The following TRDN variants were observed in gnomAD, a reference collection of about 807,000 sequenced individuals.
TRDN encodes triadin.
A neutral mutation model predicts 149.7 loss-of-function variants in TRDN; 161 were observed. The observed-to-expected ratio is 1.08, with a 90% CI of 0.95 to 1.23. TRDN has a LOEUF of 1.23. Among genes scored for constraint, TRDN ranks in the 50% most tolerant of loss-of-function variants. The pLI, the probability that TRDN is intolerant of heterozygous loss-of-function variation, is 0.00. For missense variants in TRDN, 896 were observed against 823.5 expected (o/e 1.09, Z -1.08); for synonymous variants, 294 against 250.5 (o/e 1.17, Z -1.64).
chr6:123,433,139 CATAAATATATATATATATATATAAT>C (rs1774400950), intron 12 of TRDN, among the ~76,000 whole-genome samples: 1 of 57,602 alleles, frequency 1.7e-5, no homozygotes, highest in African/African-American at 6.5e-5. Context: ...CCCCACACAT[CATAAATATATATATATATATATAAT>C]ATATATATAT....
chr6:123,326,382 ATCCCATCTCAAAG>A (rs1779457613), intron 23 of TRDN, among the ~76,000 whole-genome samples: 1 of 152,022 alleles, frequency 6.6e-6, no homozygotes, highest in Non-Finnish European at 1.5e-5. Flanking sequence ...CTTTTCTAGT[ATCCCATCTCAAAG>A]TCCCATCTCA....
chr6:123,482,031 G>A lies in TRDN; in HGVS notation c.853+15162C>T, dbSNP rs544072437. Among the ~76,000 whole-genome samples, 75 of 152,264 alleles carry A rather than the reference G, an allele frequency of 4.9e-4. 1 individual carries two copies. The South Asian group carries it at 0.015, about 31-fold the overall frequency. ...GGCAAAAGGAAGGAATGTTGCAACT[G>A]TAATACCTCCCTTCCGCTTTGTTTC... On this transcript the variant is annotated intron_variant, in intron 9 of 40. Transcript: ENST00000334268.
intron 5 of TRDN, among the ~76,000 whole-genome samples, chr6:123,518,607 C>CA (rs1185149279): frequency 6.6e-6 from 1 of 152,144 alleles, no homozygotes; most frequent in Non-Finnish European, 1.5e-5. Context: ...AGAATTAACA[C>CA]AAAATCAAAA....
chr6:123,438,818 T>C, intron 11 of TRDN, 126 bp downstream of exon 11: 1 of 683,470 alleles, frequency 1.5e-6, no homozygotes, highest in Non-Finnish European at 2.4e-6. Context: ...GTTAAGAGTG[T>C]TCACTAATAA....
chr6:123,236,721 G>A (rs964778475), intron 38 of TRDN, among the ~76,000 whole-genome samples: 4 of 152,098 alleles, frequency 2.6e-5, no homozygotes, highest in Non-Finnish European at 5.9e-5. Context: ...AAATTGCTTC[G>A]GAACTTTTAT....
chr6:123,636,358 A>C (rs578089872), intron 1 of TRDN, among the ~76,000 whole-genome samples: 1 of 151,896 alleles, frequency 6.6e-6, no homozygotes, highest in Non-Finnish European at 1.5e-5. Context: ...TTAGTGTAAT[A>C]TTTTAAGTAA....
chr6:123,594,054 G>C, intron 1 of TRDN, among the ~76,000 whole-genome samples: 1 of 152,050 alleles, frequency 6.6e-6, no homozygotes, highest in East Asian at 1.9e-4. Context: ...TTTGCATGTA[G>C]AAAAGTGTAT....
chr6:123,544,242 TACATACACACACACACAC>T (rs1262638720), intron 4 of TRDN, among the ~76,000 whole-genome samples: 8 of 124,032 alleles, frequency 6.4e-5, no homozygotes, highest in African/African-American at 2.5e-4. Context: ...TGCACATCTG[TACATACACACACACACAC>T]ACACACACAC....
chr6:123,223,180 T>C (rs566878956), intron 39 of TRDN, among the ~76,000 whole-genome samples: 15 of 151,608 alleles, frequency 9.9e-5, no homozygotes, highest in Non-Finnish European at 2.2e-4. Context: ...GGCAAACTAA[T>C]GCAGGAACAG....
chr6:123,633,135 A>G (rs1786099486), intron 1 of TRDN, among the ~76,000 whole-genome samples: 1 of 152,064 alleles, frequency 6.6e-6, no homozygotes. Flanking sequence ...TTTAAATAAA[A>G]AGCTTTCTTG....
At chr6:123,350,664 A>G (rs753793948) in intron 21 of TRDN, 35 of 771,058 alleles carry the variant, frequency 4.5e-5, no homozygotes, top group Non-Finnish European at 5.0e-5. Context: ...AGTAATAGAT[A>G]TACTATCATA....
At chr6:123,521,467 G>A (rs944416486) in intron 5 of TRDN, among the ~76,000 whole-genome samples, 12 of 152,002 alleles carry the variant, frequency 7.9e-5, no homozygotes, top group Admixed American at 2.6e-4. Flanking sequence ...AGGAATTGGA[G>A]AACTTCATCT....
chr6:123,603,230 C>T (rs970242758), intron 1 of TRDN, among the ~76,000 whole-genome samples: 5 of 77,532 alleles, frequency 6.4e-5, no homozygotes, highest in African/African-American at 1.3e-4. Context: ...CTGATTTAGT[C>T]TTAGTCTTAT....
chr6:123,594,792 A>G (rs1783956070), intron 1 of TRDN, among the ~76,000 whole-genome samples: 1 of 152,050 alleles, frequency 6.6e-6, no homozygotes, highest in African/African-American at 2.4e-5. Flanking sequence ...TTATTTAGGT[A>G]GCATGACTTT....
chr6:123,387,731 T>C (rs947187837), intron 14 of TRDN, among the ~76,000 whole-genome samples: 1 of 152,120 alleles, frequency 6.6e-6, no homozygotes, highest in Non-Finnish European at 1.5e-5. Context: ...AGGTCACAAA[T>C]GGCAATGTGA....
intron 31 of TRDN, among the ~76,000 whole-genome samples, chr6:123,268,807 A>C (rs1269424567): frequency 3.9e-5 from 6 of 152,072 alleles, no homozygotes; most frequent in Admixed American, 3.9e-4. Flanking sequence ...TCAAAATAAA[A>C]GAAAATGCAG....
rs1309608387 is a variant in TRDN at position 123,503,759 on chromosome 6, C to A, written c.753G>T (p.Glu251Asp). Residue 251 changes from glutamate to aspartate, a missense_variant, in exon 8 of 41, where the codon GAG becomes GAT. Transcript: ENST00000334268. ...QKTPSKPKEK[E>D]DKEKAAVSKH... ...TTGACACAGCTGCTTTCTCTTTGTC[C>A]TCCTTTTCTTTGGGTTTTGATGGTG... The A allele has an allele frequency of 6.2e-7, 1 of 1,613,630 alleles. No individual in the cohort carries two copies. Among genetic ancestry groups the A allele is most frequent in the Admixed American group, 1.7e-5 (1 of 59,968 alleles).
In TRDN at chr6:123,375,491, AC is replaced by A. The variant is rs1781470707; in HGVS notation, c.1273+113del. 4.9e-6 allele frequency: 4 copies of A among 811,484 alleles called. No homozygotes were observed. In the East Asian group the frequency reaches 9.4e-5, roughly 19 times the overall value. 50.3% of individuals were successfully genotyped at this position (811,484 alleles called of 1,614,324 possible). On this transcript the variant is annotated intron_variant, in intron 19 of 40. Coordinates refer to ENST00000334268, the MANE Select transcript of TRDN (RefSeq NM_006073.4). ...CATATTCAGCACAACAAATAATCAT[AC>A]CAAAAAGCTGGTAAGCCATTCTCAA...
intron 1 of TRDN, among the ~76,000 whole-genome samples, chr6:123,636,162 T>C (rs1441957432): frequency 6.6e-6 from 1 of 151,976 alleles, no homozygotes; most frequent in Non-Finnish European, 1.5e-5. Flanking sequence ...ATCTCTGAAT[T>C]TCCATTAATG....
Sources: gnomAD v4.1 joint callset for allele counts (sites outside exome capture counted in the v4.1 genomes callset) on GRCh38, gnomAD v4.1.1 for gene constraint, MANE v1.5 for transcripts, NCBI Gene and HGNC (gene_info 2026-07-23, HGNC 2026-07-21) for gene names.